PLEKHD1: variants seen among roughly 807,000 people sequenced by gnomAD.
PLEKHD1 encodes the protein pleckstrin homology and coiled-coil domain containing D1, also known as pleckstrin homology domain-containing family D member 1.
PLEKHD1 carries 51 observed loss-of-function variants against 69.2 expected under a neutral mutation model. That is an observed-to-expected ratio of 0.74 (90% CI 0.59 to 0.93). PLEKHD1 has a LOEUF of 0.93. Ranked by LOEUF, PLEKHD1 falls within the 40% of genes least tolerant of loss-of-function variation. The probability of loss-of-function intolerance (pLI) is 0.00; values close to 1 mark genes in which losing one functional copy is unlikely to be tolerated. For missense variants in PLEKHD1, 584 were observed against 641.0 expected, an observed-to-expected ratio of 0.91 and a Z score of 0.96; for synonymous variants, 236 against 244.7, an observed-to-expected ratio of 0.96 and a Z score of 0.33.
chr14:69,510,262 T>C (rs892285702), intron 6 of PLEKHD1, among the ~76,000 whole-genome samples: 2 of 152,248 alleles, frequency 1.3e-5, no homozygotes, highest in Non-Finnish European at 2.9e-5. Flanking sequence ...TGAGATTGTA[T>C]TGAATCTATA....
At position 69,528,479 on chromosome 14, in the gene PLEKHD1, G is replaced by T; in HGVS notation, c.*60G>T. 1 of 1,511,678 alleles carries T rather than the reference G, an allele frequency of 6.6e-7. No individual in the cohort carries two copies. 93.6% of individuals were successfully genotyped at this position (1,511,678 alleles called of 1,614,324 possible). Reference sequence around the variant, plus strand: ...GGATGGGCGGGGGAGGGGAAGGGGTGGCAGAGGGAGGCCTCACTCTACCAG... The same window carrying T: ...GGATGGGCGGGGGAGGGGAAGGGGTTGCAGAGGGAGGCCTCACTCTACCAG... On this transcript the variant is annotated 3_prime_UTR_variant, in exon 13 of 13. Transcript: ENST00000322564.
intron 1 of PLEKHD1, among the ~76,000 whole-genome samples, chr14:69,492,099 T>C (rs1022810551): frequency 6.6e-6 from 1 of 152,202 alleles, no homozygotes; most frequent in Non-Finnish European, 1.5e-5. Context: ...TCTGCCCCGC[T>C]CTGTCCCTGC....
chr14:69,530,570 C>T lies in PLEKHD1; in HGVS notation c.*2151C>T, dbSNP rs1012517903. 6 of 151,930 alleles carry T rather than the reference C, an allele frequency of 3.9e-5. No homozygotes were observed. The highest frequency in any genetic ancestry group is 2.0e-4 in the Admixed American group (3 of 15,246). The allele number at this position is 151,930 out of a possible 1,614,324, so 9.4% of individuals were successfully genotyped here. On this transcript the variant is annotated 3_prime_UTR_variant, in exon 13 of 13. Transcript: ENST00000322564. ...TTCAGATGCATTTGTTTTTCTTGGGCGAGCTATTAACCAGACAGGAAAGTG... is the reference window on the plus strand; with the variant it reads ...TTCAGATGCATTTGTTTTTCTTGGGTGAGCTATTAACCAGACAGGAAAGTG...
chr14:69,485,763 G>A (rs965756943), intron 1 of PLEKHD1, among the ~76,000 whole-genome samples: 3 of 152,234 alleles, frequency 2.0e-5, no homozygotes, highest in South Asian at 4.1e-4. Context: ...AAAGGAGGGA[G>A]GCAGCTGGAG....
Position 69,524,402 on chromosome 14 carries a change from G to T in PLEKHD1, c.744+80G>T. On this transcript the variant is annotated intron_variant, in intron 8 of 12. Coordinates refer to ENST00000322564, the MANE Select transcript of PLEKHD1 (RefSeq NM_001161498.2). Reference sequence around the variant, plus strand: ...ACATGACACTGTTTTTTCCAGCAGTGTTTCCCCAGGGGGTGATCTGTAAGA... The same window carrying T: ...ACATGACACTGTTTTTTCCAGCAGTTTTTCCCCAGGGGGTGATCTGTAAGA... The T allele has an allele frequency of 4.9e-6, 6 of 1,213,650 alleles. No homozygotes were observed. In the South Asian group the frequency reaches 8.0e-5, roughly 16 times the overall value. 75.2% of individuals were successfully genotyped at this position (1,213,650 alleles called of 1,614,324 possible).
chr14:69,517,850 T>A (rs1033122092), intron 6 of PLEKHD1, among the ~76,000 whole-genome samples: 4 of 152,134 alleles, frequency 2.6e-5, no homozygotes, highest in African/African-American at 9.7e-5. Flanking sequence ...ACCGCATACC[T>A]GCCTCACTCC....
At chr14:69,494,990 C>T (rs1215089736) in intron 1 of PLEKHD1, among the ~76,000 whole-genome samples, 3 of 152,270 alleles carry the variant, frequency 2.0e-5, no homozygotes, top group African/African-American at 4.8e-5. Flanking sequence ...TGCTAGCTCC[C>T]CTCCCTTGAC....
intron 6 of PLEKHD1, among the ~76,000 whole-genome samples, chr14:69,515,280 G>A (rs1379066648): frequency 9.2e-5 from 14 of 152,176 alleles, no homozygotes; most frequent in Admixed American, 9.2e-4. Flanking sequence ...TATTCACTGA[G>A]AACCTGGTAG....
intron 1 of PLEKHD1, among the ~76,000 whole-genome samples, chr14:69,496,984 T>C (rs893171235): frequency 1.3e-5 from 2 of 152,060 alleles, no homozygotes; most frequent in Non-Finnish European, 2.9e-5. Flanking sequence ...CTTGAACATA[T>C]GAACGTTGAG....
chr14:69,492,993 C>T (rs185869553), intron 1 of PLEKHD1, among the ~76,000 whole-genome samples: 32 of 152,262 alleles, frequency 2.1e-4, no homozygotes, highest in South Asian at 6.2e-4. Context: ...GTATGGACTC[C>T]GGGGTTGAAA....
In PLEKHD1 at chr14:69,500,208, G is replaced by A. The variant is rs1882991618; in HGVS notation, c.243G>A (p.Lys81=). The A allele has an allele frequency of 6.5e-7, 1 of 1,544,680 alleles. No individual in the cohort carries two copies. Among genetic ancestry groups the A allele is most frequent in the Admixed American group, 2.0e-5 (1 of 50,914 alleles). Residue 81 remains lysine (K), a splice_region_variant and synonymous_variant, in exon 2 of 13, where the codon AAG becomes AAA. Coordinates refer to ENST00000322564, the MANE Select transcript of PLEKHD1 (RefSeq NM_001161498.2). ...ATAAATACTTCAATATACATCCTAA[G>A]GTGAGGCGGCCCCTCCCAGGGCCAC... ...ETNKYFNIHP[K]GVIPLGGCLV...
At chr14:69,476,399 A>C in the PLEKHD1 span, among the ~76,000 whole-genome samples, 1 of 151,188 alleles carries the variant, frequency 6.6e-6, no homozygotes, top group Non-Finnish European at 1.5e-5. Flanking sequence ...CCTATTTCAA[A>C]AAAAAAAAAA....
intron 1 of PLEKHD1, among the ~76,000 whole-genome samples, chr14:69,487,344 A>G (rs1429426987): frequency 6.6e-6 from 1 of 152,030 alleles, no homozygotes; most frequent in African/African-American, 2.4e-5. Flanking sequence ...CCAGCTTCCC[A>G]TTTGTAAAGT....
At chr14:69,509,799 G>A (rs558014989) in intron 6 of PLEKHD1, among the ~76,000 whole-genome samples, 55 of 152,124 alleles carry the variant, frequency 3.6e-4, no homozygotes, top group Middle Eastern at 3.4e-3. Context: ...TTAGCCAGGC[G>A]TGGTGGCGGG....
At chr14:69,478,544 G>T in the PLEKHD1 span, among the ~76,000 whole-genome samples, 2 of 152,158 alleles carry the variant, frequency 1.3e-5, no homozygotes, top group African/African-American at 4.8e-5. Context: ...CCTCTTGAAT[G>T]CTTTGCTACT....
At chr14:69,514,610 T>C (rs969087965) in intron 6 of PLEKHD1, among the ~76,000 whole-genome samples, 3 of 152,194 alleles carry the variant, frequency 2.0e-5, no homozygotes, top group African/African-American at 7.2e-5. Context: ...ATTGTGTTTT[T>C]TACCTTCTAG....
chr14:69,528,048 G>C, intron 12 of PLEKHD1, 116 bp downstream of exon 12: 2 of 1,498,802 alleles, frequency 1.3e-6, no homozygotes, highest in Non-Finnish European at 1.8e-6. Context: ...CCTTGAACCT[G>C]GCCCCACCAT....
the PLEKHD1 span, among the ~76,000 whole-genome samples, chr14:69,475,616 G>A: frequency 2.0e-5 from 3 of 152,212 alleles, no homozygotes; most frequent in African/African-American, 7.2e-5. Flanking sequence ...CAAGTGGAGA[G>A]AGACTTTGAA....
chr14:69,472,298 G>A, the PLEKHD1 span, among the ~76,000 whole-genome samples: 9 of 152,092 alleles, frequency 5.9e-5, no homozygotes, highest in African/African-American at 1.9e-4. Context: ...GCATCCTCCC[G>A]TATACTGTTT....
Sources: gnomAD v4.1 joint callset for allele counts (sites outside exome capture counted in the v4.1 genomes callset) on GRCh38, gnomAD v4.1.1 for gene constraint, MANE v1.5 for transcripts, NCBI Gene and HGNC (gene_info 2026-07-23, HGNC 2026-07-21) for gene names.